Variants in PIK3R1 observed in about 807,000 individuals in gnomAD.
PIK3R1 encodes the protein phosphatidylinositol 3-kinase regulatory subunit alpha.
PIK3R1 carries 29 observed loss-of-function variants against 98.0 expected under a neutral mutation model. That is an observed-to-expected ratio of 0.30 (90% CI 0.22 to 0.40). The LOEUF (loss-of-function observed/expected upper bound fraction) is 0.40, where lower values mean the gene tolerates loss of function less well. PIK3R1 is among the 10% of genes least tolerant of loss of function. The pLI is 1.00. For synonymous variants in PIK3R1, 282 were observed against 311.8 expected (o/e 0.90, Z 1.01); for missense variants, 596 against 872.7 (o/e 0.68, Z 3.99).
At chr5:68,293,264 C>T in intron 9 of PIK3R1, 39 bp from the exon 10 acceptor site, 3 of 1,594,122 alleles carry the variant, frequency 1.9e-6, no homozygotes, top group Non-Finnish European at 1.7e-6. Context: ...TTCCTTATTC[C>T]AAAATGTTAA....
At chr5:68,245,402 CTGA>C (rs750224920) in intron 2 of PIK3R1, among the ~76,000 whole-genome samples, 7 of 152,056 alleles carry the variant, frequency 4.6e-5, no homozygotes, top group Non-Finnish European at 7.4e-5. Flanking sequence ...GAGTTTGTTG[CTGA>C]TGTTATAGAA....
At chr5:68,255,130 G>A (rs145946748) in intron 2 of PIK3R1, among the ~76,000 whole-genome samples, 1 of 152,312 alleles carries the variant, frequency 6.6e-6, no homozygotes, top group Non-Finnish European at 1.5e-5. Context: ...AGATTTCTAA[G>A]TAGGTGATGA....
intron 2 of PIK3R1, among the ~76,000 whole-genome samples, chr5:68,262,613 A>C (rs1285060224): frequency 6.3e-5 from 9 of 142,494 alleles, no homozygotes; most frequent in Admixed American, 1.4e-4. Context: ...ACACATGTAT[A>C]CACATGTAGA....
chr5:68,278,790 A>C (rs1184147149), intron 4 of PIK3R1, among the ~76,000 whole-genome samples: 1 of 152,060 alleles, frequency 6.6e-6, no homozygotes, highest in Non-Finnish European at 1.5e-5. Context: ...AAATACAAAA[A>C]TTAGCCAGGC....
chr5:68,230,029 T>G (rs1368555120), intron 2 of PIK3R1, among the ~76,000 whole-genome samples: 2 of 152,226 alleles, frequency 1.3e-5, no homozygotes, highest in African/African-American at 2.4e-5. Context: ...AAATCAAGGC[T>G]CAAGAGCCAG....
intron 2 of PIK3R1, among the ~76,000 whole-genome samples, chr5:68,254,373 T>A (rs145917527): frequency 1.3e-5 from 2 of 152,322 alleles, no homozygotes; most frequent in Non-Finnish European, 2.9e-5. Flanking sequence ...ATTTTAGATT[T>A]GAAAAGGACC....
intron 2 of PIK3R1, among the ~76,000 whole-genome samples, chr5:68,260,923 T>TTTCA (rs1745718900): frequency 6.6e-6 from 1 of 152,234 alleles, no homozygotes; most frequent in Non-Finnish European, 1.5e-5. Context: ...AATTTTACTG[T>TTTCA]TCATTCTGGC....
chr5:68,293,538 A>G, intron 10 of PIK3R1, 55 bp downstream of exon 10: 1 of 1,409,700 alleles, frequency 7.1e-7, no homozygotes, highest in Non-Finnish European at 9.8e-7. Context: ...GATCCTTTTA[A>G]TACTTAGAAA....
chr5:68,237,627 G>A (rs530062359), intron 2 of PIK3R1, among the ~76,000 whole-genome samples: 111 of 149,968 alleles, frequency 7.4e-4, no homozygotes, highest in Non-Finnish European at 1.4e-3. Context: ...AATGTTTTCT[G>A]AGTTAAAAAG....
At chr5:68,221,062 T>G (rs1744078169) in intron 1 of PIK3R1, among the ~76,000 whole-genome samples, 1 of 152,228 alleles carries the variant, frequency 6.6e-6, no homozygotes, top group African/African-American at 2.4e-5. Context: ...GGGAATGGGC[T>G]TGTTATAAAC....
intron 5 of PIK3R1, 187 bp from the exon 6 acceptor site, chr5:68,280,341 A>T: frequency 1.7e-6 from 1 of 598,440 alleles, no homozygotes; most frequent in Non-Finnish European, 3.0e-6. Context: ...ATTTGACCTG[A>T]GATTTCTACT....
chr5:68,241,576 T>C (rs1279612618), intron 2 of PIK3R1, among the ~76,000 whole-genome samples: 1 of 152,230 alleles, frequency 6.6e-6, no homozygotes, highest in Non-Finnish European at 1.5e-5. Context: ...AGGCACCATG[T>C]GCTGTGTGCT....
At chr5:68,287,134 C>T (rs771375554) in intron 7 of PIK3R1, among the ~76,000 whole-genome samples, 1 of 152,142 alleles carries the variant, frequency 6.6e-6, no homozygotes, top group African/African-American at 2.4e-5. Context: ...ACCACTGGAT[C>T]ACTTTCCCAT....
At chr5:68,292,713 TG>T (rs1222720602) in intron 8 of PIK3R1, 1 of 1,274,336 alleles carries the variant, frequency 7.8e-7, no homozygotes, top group African/African-American at 1.5e-5. Context: ...ATGTTAGCTT[TG>T]GGAAGGGGGA....
intron 2 of PIK3R1, among the ~76,000 whole-genome samples, chr5:68,248,559 G>T (rs1254329301): frequency 6.6e-6 from 1 of 152,076 alleles, no homozygotes; most frequent in African/African-American, 2.4e-5. Context: ...TTTTGTTAGT[G>T]TCCTTATTTT....
chr5:68,220,325 C>A (rs960418229), intron 1 of PIK3R1, among the ~76,000 whole-genome samples: 19 of 152,148 alleles, frequency 1.2e-4, no homozygotes, highest in Admixed American at 1.2e-3. Context: ...TGAAGTCATC[C>A]CCTTCAGTCC....
chr5:68,226,175 C>T (rs376996460), intron 1 of PIK3R1, 115 bp from the exon 2 acceptor site: 6 of 352,236 alleles, frequency 1.7e-5, no homozygotes, highest in East Asian at 1.3e-4. Context: ...AGCACACTGG[C>T]CTGTGTCTGT....
At chr5:68,271,178 T>C (rs1042799014) in intron 2 of PIK3R1, among the ~76,000 whole-genome samples, 2 of 152,200 alleles carry the variant, frequency 1.3e-5, no homozygotes, top group Admixed American at 1.3e-4. Context: ...AATCAGTATT[T>C]CTAGCACGTC....
At chr5:68,238,401 A>G (rs1418106767) in intron 2 of PIK3R1, among the ~76,000 whole-genome samples, 1 of 152,212 alleles carries the variant, frequency 6.6e-6, no homozygotes, top group African/African-American at 2.4e-5. Context: ...ATTTGAAAGA[A>G]GAGTAGACCT....
Sources: gnomAD v4.1 joint callset for allele counts (sites outside exome capture counted in the v4.1 genomes callset) on GRCh38, gnomAD v4.1.1 for gene constraint, MANE v1.5 for transcripts, NCBI Gene and HGNC (gene_info 2026-07-23, HGNC 2026-07-21) for gene names.